The following CNTN6 variants were observed in gnomAD, a reference collection of about 807,000 sequenced individuals.
The protein encoded by CNTN6 is contactin 6.
CNTN6 carries 137 observed loss-of-function variants against 122.8 expected under a neutral mutation model. The observed-to-expected ratio is 1.12, with a 90% CI of 0.97 to 1.29. The LOEUF is 1.29. CNTN6 is among the 50% of genes most tolerant of loss of function. CNTN6 has a pLI of 0.00. For synonymous variants in CNTN6, 570 were observed against 426.0 expected, an observed-to-expected ratio of 1.34 and a Z score of -4.16; for missense variants, 1,634 against 1,223.4, an observed-to-expected ratio of 1.34 and a Z score of -5.01.
chr3:1,266,017 G>A (rs1337816097), intron 4 of CNTN6, among the ~76,000 whole-genome samples: 5 of 150,744 alleles, frequency 3.3e-5, no homozygotes, highest in African/African-American at 1.2e-4. Context: ...TAAAGTTAAA[G>A]GTGTTTTTTT....
chr3:1,202,222 G>A (rs1211632745), intron 2 of CNTN6, among the ~76,000 whole-genome samples: 1 of 152,250 alleles, frequency 6.6e-6, no homozygotes, highest in Non-Finnish European at 1.5e-5. Flanking sequence ...ATGAGGAGAA[G>A]GAAAAGCTTC....
intron 7 of CNTN6, among the ~76,000 whole-genome samples, chr3:1,300,559 A>G (rs1035419873): frequency 0.089 from 2,615 of 29,458 alleles, 109 homozygotes; most frequent in African/African-American, 0.27. Flanking sequence ...GAGAAAGAAA[A>G]AGAAAGAAAG....
chr3:1,122,162 C>T (rs1261724295), intron 1 of CNTN6, among the ~76,000 whole-genome samples: 1 of 151,686 alleles, frequency 6.6e-6, no homozygotes, highest in Non-Finnish European at 1.5e-5. Flanking sequence ...GTTAATGGAA[C>T]TAGTATATTA....
intron 2 of CNTN6, among the ~76,000 whole-genome samples, chr3:1,191,163 T>C (rs1395299116): frequency 1.3e-5 from 2 of 152,138 alleles, no homozygotes; most frequent in Non-Finnish European, 1.5e-5. Flanking sequence ...ATTTGTTTTT[T>C]GTCCCTGGTT....
At chr3:1,298,274 G>C (rs779045166) in intron 7 of CNTN6, 1 of 273,348 alleles carries the variant, frequency 3.7e-6, no homozygotes, top group African/African-American at 2.2e-5. Flanking sequence ...ACATTGCAAG[G>C]GAATAAGTGC....
intron 5 of CNTN6, among the ~76,000 whole-genome samples, chr3:1,294,166 A>G (rs746008517): frequency 6.6e-6 from 1 of 152,184 alleles, no homozygotes; most frequent in Non-Finnish European, 1.5e-5. Flanking sequence ...TTTCCACCTA[A>G]TACATAATGA....
At chr3:1,108,442 TTGAC>T (rs2091330074) in intron 1 of CNTN6, among the ~76,000 whole-genome samples, 1 of 152,062 alleles carries the variant, frequency 6.6e-6, no homozygotes, top group Admixed American at 6.6e-5. Flanking sequence ...TGACTACATT[TTGAC>T]TGTGATGTGT....
intron 11 of CNTN6, among the ~76,000 whole-genome samples, chr3:1,351,731 TATTC>T: frequency 6.6e-6 from 1 of 152,006 alleles, no homozygotes; most frequent in South Asian, 2.1e-4. Flanking sequence ...CATGAAGCCT[TATTC>T]TTTCTACTTC....
chr3:1,264,015 C>T (rs2094888650), intron 4 of CNTN6, among the ~76,000 whole-genome samples: 1 of 151,760 alleles, frequency 6.6e-6, no homozygotes, highest in African/African-American at 2.4e-5. Context: ...GGGGAAGAAA[C>T]TCATTATGTT....
intron 2 of CNTN6, among the ~76,000 whole-genome samples, chr3:1,189,231 G>C (rs1476302279): frequency 1.3e-5 from 2 of 152,106 alleles, no homozygotes; most frequent in African/African-American, 4.8e-5. Flanking sequence ...AAATAGCTGA[G>C]TAAACCACTC....
intron 11 of CNTN6, among the ~76,000 whole-genome samples, chr3:1,340,697 G>A (rs946270735): frequency 6.6e-6 from 1 of 152,096 alleles, no homozygotes; most frequent in Non-Finnish European, 1.5e-5. Context: ...TAATTTTGTA[G>A]ACTCTGAGGA....
rs538783097 is a variant in CNTN6, at chr3:1,122,552, C to T, written c.-82-25375C>T. Among the ~76,000 whole-genome samples the T allele has an allele frequency of 8.0e-5, 12 of 150,228 alleles. 1 individual carries two copies. Among genetic ancestry groups the T allele is most frequent in the African/African-American group, 2.7e-4 (11 of 41,280 alleles). On this transcript the variant is annotated intron_variant, in intron 1 of 22. Transcript: ENST00000446702. ...CCACTATCCTCTTGGAAAACATTTG[C>T]ATCAATCCAAAGAAAGAAGCTCTTA...
At chr3:1,181,230 C>A (rs780387035) in intron 2 of CNTN6, among the ~76,000 whole-genome samples, 14 of 152,056 alleles carry the variant, frequency 9.2e-5, no homozygotes, top group Non-Finnish European at 1.6e-4. Flanking sequence ...TTGAAGGTGA[C>A]CTGATTTTCT....
Position 1,295,764 on chromosome 3 carries a change from T to C in CNTN6, c.618T>C (p.Ser206=), listed in dbSNP as rs1696118895. ...CFITNKEAQR[S]VQGPPTPLVQ... The stretch of plus-strand genomic sequence containing the variant: ...TAACTAACAAAGAGGCCCAGAGAAG[T>C]GTTCAAGGTCCACCCACTCCATTAG... Residue 206 remains serine (S), a synonymous_variant, in exon 6 of 23, where the codon AGT becomes AGC. Transcript: ENST00000446702. The C allele has an allele frequency of 3.7e-6, 6 of 1,613,988 alleles. No homozygotes were observed. Among genetic ancestry groups the C allele is most frequent in the Non-Finnish European group, 5.1e-6 (6 of 1,179,894 alleles).
At chr3:1,227,738 A>C in intron 3 of CNTN6, 80 bp from the exon 4 acceptor site, 1 of 1,416,082 alleles carries the variant, frequency 7.1e-7, no homozygotes, top group African/African-American at 1.4e-5. Context: ...TAGTTGCAGG[A>C]ATTAGAACTA....
chr3:1,301,586 C>A (rs1391174907), intron 7 of CNTN6, among the ~76,000 whole-genome samples: 1 of 152,022 alleles, frequency 6.6e-6, no homozygotes, highest in African/African-American at 2.4e-5. Flanking sequence ...CAAGGAAATT[C>A]TTGATTTAAT....
chr3:1,093,978 C>T (rs2090381877), intron 1 of CNTN6, among the ~76,000 whole-genome samples: 1 of 152,088 alleles, frequency 6.6e-6, no homozygotes, highest in African/African-American at 2.4e-5. Flanking sequence ...CTCTGAGAAA[C>T]ATTCACAGAA....
At chr3:1,306,332 A>C (rs1237722606) in intron 7 of CNTN6, among the ~76,000 whole-genome samples, 2 of 152,176 alleles carry the variant, frequency 1.3e-5, no homozygotes, top group Non-Finnish European at 2.9e-5. Context: ...CTTGGCATAA[A>C]ATAATCAAGT....
In CNTN6 at chr3:1,271,739, C is replaced by T. The variant is rs369401489; in HGVS notation, c.359-6674C>T. ...GGGAGAGAAAGCACCTTTACCCCTCCGCTAGCAATTTGTACAACTTTTTGG... is the reference window on the plus strand; with the variant it reads ...GGGAGAGAAAGCACCTTTACCCCTCTGCTAGCAATTTGTACAACTTTTTGG... On this transcript the variant is annotated intron_variant, in intron 4 of 22. Transcript: ENST00000446702. Among the ~76,000 whole-genome samples the T allele has an allele frequency of 2.0e-3, 305 of 152,210 alleles. 3 individuals are homozygous for T. Among genetic ancestry groups the T allele is most frequent in the African/African-American group, 5.8e-3 (240 of 41,516 alleles).
Sources: gnomAD v4.1 joint callset for allele counts (sites outside exome capture counted in the v4.1 genomes callset) on GRCh38, gnomAD v4.1.1 for gene constraint, MANE v1.5 for transcripts, NCBI Gene and HGNC (gene_info 2026-07-23, HGNC 2026-07-21) for gene names.